The following ADCY10 variants were observed in gnomAD, a reference collection of about 807,000 sequenced individuals.
The protein encoded by ADCY10 is adenylate cyclase type 10.
Under a neutral mutation model 183.3 loss-of-function variants are expected in ADCY10, and 156 were observed. The observed-to-expected ratio is 0.85, with a 90% CI of 0.75 to 0.97. The LOEUF (loss-of-function observed/expected upper bound fraction) is 0.97, where lower values mean the gene tolerates loss of function less well. Ranked by LOEUF, ADCY10 falls within the 50% of genes least tolerant of loss-of-function variation. The pLI is 0.00. For missense variants in ADCY10, 1,745 were observed against 1,934.3 expected, an observed-to-expected ratio of 0.90 and a Z score of 1.84; for synonymous variants, 645 against 670.0, an observed-to-expected ratio of 0.96 and a Z score of 0.58.
intron 8 of ADCY10, among the ~76,000 whole-genome samples, chr1:167,887,239 A>T (rs893220934): frequency 6.6e-6 from 1 of 152,228 alleles, no homozygotes; most frequent in Non-Finnish European, 1.5e-5. Context: ...ATAAAGACAC[A>T]TGCACATGTA....
At chr1:167,891,683 G>C (rs61807002) in intron 8 of ADCY10, among the ~76,000 whole-genome samples, 40,738 of 150,038 alleles carry the variant, frequency 0.27, 5,728 homozygotes, top group Middle Eastern at 0.37. Context: ...AAAGAAAGGA[G>C]AGTGTTCCCA....
intron 13 of ADCY10, among the ~76,000 whole-genome samples, chr1:167,870,923 T>C (rs1366274848): frequency 6.6e-6 from 1 of 152,152 alleles, no homozygotes; most frequent in African/African-American, 2.4e-5. Context: ...AACCATGTGG[T>C]TTTGCAGTTT....
chr1:167,910,919 T>C (rs1209804854), intron 1 of ADCY10, among the ~76,000 whole-genome samples: 1 of 152,194 alleles, frequency 6.6e-6, no homozygotes, highest in Non-Finnish European at 1.5e-5. Context: ...AAATAAACAA[T>C]TTTTTAGTAT....
intron 22 of ADCY10, 126 bp downstream of exon 22, chr1:167,837,123 C>G: frequency 6.2e-6 from 5 of 800,998 alleles, no homozygotes; most frequent in Non-Finnish European, 1.1e-5. Context: ...CATGCATACC[C>G]CCCAAAGTTT....
chr1:167,831,315 G>C (rs1448003007), intron 25 of ADCY10, among the ~76,000 whole-genome samples: 1 of 151,928 alleles, frequency 6.6e-6, no homozygotes, highest in South Asian at 2.1e-4. Flanking sequence ...TCAACCTTCC[G>C]AGTAGCTGGG....
intron 14 of ADCY10, 129 bp from the exon 15 acceptor site, chr1:167,861,192 G>T: frequency 1.2e-6 from 1 of 801,968 alleles, no homozygotes; most frequent in South Asian, 1.5e-5. Context: ...AAGCTATCTC[G>T]CAATGGTTCT....
At chr1:167,858,497 CAAAAAAAAAA>C (rs57443879) in intron 16 of ADCY10, among the ~76,000 whole-genome samples, 1 of 70,322 alleles carries the variant, frequency 1.4e-5, no homozygotes, top group Non-Finnish European at 2.6e-5. Flanking sequence ...GACTCTGTCT[CAAAAAAAAAA>C]AAAAAAAAAA....
chr1:167,870,098 G>A (rs546029850), intron 14 of ADCY10, among the ~76,000 whole-genome samples, 159 bp downstream of exon 14: 3 of 152,212 alleles, frequency 2.0e-5, no homozygotes, highest in African/African-American at 7.2e-5. Context: ...TTAGCTCTAT[G>A]TGTTTATTGT....
chr1:167,894,959 C>T (rs181898507), intron 7 of ADCY10, among the ~76,000 whole-genome samples: 10 of 152,088 alleles, frequency 6.6e-5, no homozygotes, highest in East Asian at 1.9e-4. Context: ...CCAAGGCAGG[C>T]GGATCATGAG....
chr1:167,894,322 G>C (rs369220626), intron 7 of ADCY10, among the ~76,000 whole-genome samples: 1 of 152,236 alleles, frequency 6.6e-6, no homozygotes, highest in African/African-American at 2.4e-5. Context: ...GAGTTGAAAG[G>C]GCAGCAGGAA....
At chr1:167,813,700 C>G (rs901616385) in intron 31 of ADCY10, among the ~76,000 whole-genome samples, 1 of 152,106 alleles carries the variant, frequency 6.6e-6, no homozygotes, top group Non-Finnish European at 1.5e-5. Context: ...GAGATTAATA[C>G]GTTTTTAAAA....
At chr1:167,900,659 A>G (rs1008079319) in intron 5 of ADCY10, among the ~76,000 whole-genome samples, 1 of 152,058 alleles carries the variant, frequency 6.6e-6, no homozygotes, top group African/African-American at 2.4e-5. Flanking sequence ...CAGCCTCCCA[A>G]GTAGCTGAGA....
At chr1:167,907,569 C>T (rs752019654) in intron 1 of ADCY10, among the ~76,000 whole-genome samples, 10 of 152,144 alleles carry the variant, frequency 6.6e-5, no homozygotes, top group Non-Finnish European at 1.0e-4. Flanking sequence ...CATGACCATG[C>T]CTAGTTTCAA....
chr1:167,833,542 T>C (rs778557768), intron 24 of ADCY10, among the ~76,000 whole-genome samples: 1 of 152,054 alleles, frequency 6.6e-6, no homozygotes, highest in Non-Finnish European at 1.5e-5. Context: ...GGTCAGGAGT[T>C]TGAGACCAGC....
intron 8 of ADCY10, among the ~76,000 whole-genome samples, 189 bp from the exon 9 acceptor site, chr1:167,883,817 G>A (rs1183579098): frequency 6.6e-6 from 1 of 152,096 alleles, no homozygotes; most frequent in Non-Finnish European, 1.5e-5. Context: ...CTCTTCCAGT[G>A]GGGACTTATG....
intron 26 of ADCY10, among the ~76,000 whole-genome samples, chr1:167,827,815 G>A (rs12731996): frequency 0.028 from 4,277 of 151,990 alleles, 98 homozygotes; most frequent in Non-Finnish European, 0.038. Context: ...CTGGGTTCAA[G>A]CAATTCTCCT....
chr1:167,881,373 C>G (rs1176476225), intron 9 of ADCY10, among the ~76,000 whole-genome samples: 2 of 152,124 alleles, frequency 1.3e-5, no homozygotes, highest in East Asian at 1.9e-4. Flanking sequence ...ATGTTACATC[C>G]TGATAAAATG....
intron 1 of ADCY10, among the ~76,000 whole-genome samples, chr1:167,912,987 T>C (rs1670247073): frequency 6.6e-6 from 1 of 152,240 alleles, no homozygotes; most frequent in Admixed American, 6.5e-5. Context: ...ATCCCATTTG[T>C]ATACGCTTTA....
chr1:167,852,797 G>T (rs529106586), intron 18 of ADCY10, among the ~76,000 whole-genome samples: 4 of 151,680 alleles, frequency 2.6e-5, no homozygotes, highest in Admixed American at 2.6e-4. Context: ...AAAAGGTAGA[G>T]CTTTGCCCTG....
Sources: gnomAD v4.1 joint callset for allele counts (sites outside exome capture counted in the v4.1 genomes callset) on GRCh38, gnomAD v4.1.1 for gene constraint, MANE v1.5 for transcripts, NCBI Gene and HGNC (gene_info 2026-07-23, HGNC 2026-07-21) for gene names.